CDIP1: variants seen among roughly 807,000 people sequenced by gnomAD.
The protein encoded by CDIP1 is cell death inducing p53 target 1, also known as cell death-inducing p53-target protein 1.
Under a neutral mutation model 17.7 loss-of-function variants are expected in CDIP1, and 9 were observed. The observed-to-expected ratio is 0.51, with a 90% confidence interval of 0.31 to 0.89. The LOEUF (loss-of-function observed/expected upper bound fraction) is 0.89. CDIP1 is among the 40% of genes least tolerant of loss of function. The pLI is 0.05. For missense variants in CDIP1, 263 were observed against 277.9 expected (o/e 0.95, Z 0.38); for synonymous variants, 117 against 109.5 (o/e 1.07, Z -0.43).
intron 1 of CDIP1, chr16:4,515,035 T>C (rs2058875517): frequency 6.6e-6 from 1 of 152,340 alleles, no homozygotes; most frequent in Non-Finnish European, 1.5e-5. Context: ...AGTGAAATCT[T>C]TTCCCTCATT....
Position 4,512,887 on chromosome 16 carries a change from G to A in CDIP1, c.419C>T (p.Thr140Met), listed in dbSNP as rs1450189887. 20 of 1,566,496 alleles carry A rather than the reference G, an allele frequency of 1.3e-5. No homozygotes were observed. Among genetic ancestry groups the A allele is most frequent in the East Asian group, 4.7e-5 (2 of 42,732 alleles). ...GEIFEGAPVQ[T>M]VCPHCQQAIT... ...GGCCTGCTGGCAGTGGGGACACACC[G>A]TCTGCACAGGCGCTCCCTCAAAGAT... The change falls in exon 5 of 6, where the codon ACG (threonine) becomes ATG (methionine). Residue 140 changes from threonine (T) to methionine (M), a missense_variant. Transcript: ENST00000567695. The surrounding 1 kb of genome is among the most constrained non-coding windows in gnomAD (Gnocchi z 4.6).
At chr16:4,528,597 ACT>A (rs1217548469) in intron 1 of CDIP1, among the ~76,000 whole-genome samples, 1 of 147,298 alleles carries the variant, frequency 6.8e-6, no homozygotes, top group Non-Finnish European at 1.5e-5. Flanking sequence ...AGGGAGGAAC[ACT>A]CAACCCAGGA....
intron 1 of CDIP1, chr16:4,532,164 T>G (rs925849801): frequency 1.3e-5 from 2 of 152,210 alleles, no homozygotes; most frequent in Non-Finnish European, 2.9e-5. Flanking sequence ...ACGGAGCACA[T>G]GAAGACCACG....
intron 1 of CDIP1, among the ~76,000 whole-genome samples, chr16:4,524,531 G>A (rs1296011547): frequency 6.6e-6 from 1 of 152,150 alleles, no homozygotes; most frequent in Admixed American, 6.5e-5. Flanking sequence ...CAGACCATAA[G>A]AAGGCATTCA....
intron 1 of CDIP1, among the ~76,000 whole-genome samples, chr16:4,537,583 A>T (rs860890): frequency 0.96 from 146,911 of 152,278 alleles, 71,095 homozygotes; most frequent in East Asian, 1. Context: ...GGGCCCGCCA[A>T]CCCCCTCACT....
intron 1 of CDIP1, chr16:4,536,329 C>T (rs989511305): frequency 2.6e-5 from 4 of 152,184 alleles, no homozygotes; most frequent in African/African-American, 9.7e-5. Flanking sequence ...GTCTCAAAGC[C>T]ACGGCCTCTA....
At position 4,511,833 on chromosome 16, in the gene CDIP1, C is replaced by G. The variant is rs951506312; in HGVS notation, c.*739G>C. On this transcript the variant is annotated 3_prime_UTR_variant, in exon 6 of 6. Coordinates refer to ENST00000567695, the MANE Select transcript of CDIP1 (RefSeq NM_013399.3). Reference sequence around the variant, plus strand: ...CAATACAGGGTTCACAGAGGCATGGCCTGAAAGGGGGTCTGCACACTGACT... The same window carrying G: ...CAATACAGGGTTCACAGAGGCATGGGCTGAAAGGGGGTCTGCACACTGACT... 1 of 152,744 alleles carries G rather than the reference C, an allele frequency of 6.5e-6. No individual in the cohort carries two copies. The highest frequency in any genetic ancestry group is 2.4e-5 in the African/African-American group (1 of 41,416). 9.5% of individuals were successfully genotyped at this position (152,744 alleles called of 1,614,324 possible). A position where few individuals can be genotyped will look rare whatever the true frequency, so the allele number is the denominator to read the frequency against.
At chr16:4,515,109 C>T (rs2058875907) in intron 1 of CDIP1, 1 of 152,238 alleles carries the variant, frequency 6.6e-6, no homozygotes, top group African/African-American at 2.4e-5. Context: ...TACTTAGCAT[C>T]ATAAAGGACT....
At position 4,513,586 on chromosome 16, in the gene CDIP1, T is replaced by G; in HGVS notation, c.241+110A>C. 2.1e-6 allele frequency: 2 copies of G among 939,242 alleles called. No homozygotes were observed. Among genetic ancestry groups the G allele is most frequent in the South Asian group, 3.1e-5 (2 of 64,888 alleles). 58.2% of individuals were successfully genotyped at this position (939,242 alleles called of 1,614,324 possible). A position where few individuals can be genotyped will look rare whatever the true frequency, so the allele number is the denominator to read the frequency against. ...CCTAGGCAAGGGCTGGTTGGGCGTG[T>G]TGGAGTCCCTGCCCTACAGCAGATG... On this transcript the variant is annotated intron_variant, in intron 4 of 5. Transcript: ENST00000567695. The surrounding 1 kb of genome is among the most constrained non-coding windows in gnomAD (Gnocchi z 4.1).
chr16:4,529,683 T>TA (rs890861823), intron 1 of CDIP1, among the ~76,000 whole-genome samples: 2 of 151,974 alleles, frequency 1.3e-5, no homozygotes, highest in African/African-American at 2.4e-5. Context: ...ATGGAGCCCT[T>TA]AAAAAAAATC....
At position 4,512,479 on chromosome 16, in the gene CDIP1, C is replaced by T; in HGVS notation, c.*93G>A. On this transcript the variant is annotated 3_prime_UTR_variant, in exon 6 of 6. Coordinates refer to ENST00000567695, the MANE Select transcript of CDIP1 (RefSeq NM_013399.3). This position sits in a 1 kb window ranked among gnomAD's most constrained non-coding sequence, Gnocchi z 4.6. ...AGGGGATGGTGGCACGGCTCCCAGC[C>T]CCAAGTGGGAGCGGGAAAGTGACCA... 1.1e-6 allele frequency: 1 copy of T among 906,278 alleles called. No individual in the cohort carries two copies. The highest frequency in any genetic ancestry group is 1.8e-6 in the Non-Finnish European group (1 of 549,388). 56.1% of individuals were successfully genotyped at this position (906,278 alleles called of 1,614,324 possible). A position where few individuals can be genotyped will look rare whatever the true frequency, so the allele number is the denominator to read the frequency against.
At chr16:4,521,394 G>GT (rs1366006086) in intron 1 of CDIP1, among the ~76,000 whole-genome samples, 10 of 152,102 alleles carry the variant, frequency 6.6e-5, no homozygotes, top group African/African-American at 2.2e-4. Flanking sequence ...TAAGGGGTGC[G>GT]TATCAGCCAA....
At chr16:4,516,547 TCTCA>T (rs1361073699) in intron 1 of CDIP1, among the ~76,000 whole-genome samples, 2 of 152,052 alleles carry the variant, frequency 1.3e-5, no homozygotes, top group East Asian at 3.9e-4. Context: ...GAGACGGGGG[TCTCA>T]CTATGTTGCC....
At chr16:4,534,008 T>C (rs1455057705) in intron 1 of CDIP1, among the ~76,000 whole-genome samples, 1 of 152,112 alleles carries the variant, frequency 6.6e-6, no homozygotes. Context: ...TGGAGTCCAT[T>C]GGTGCGATCT....
In CDIP1 at chr16:4,513,790, A is replaced by G. The variant is rs1436904250; in HGVS notation, c.147T>C (p.Ile49=). 6.2e-7 allele frequency: 1 copy of G among 1,606,612 alleles called. No homozygotes were observed. The highest frequency in any genetic ancestry group is 1.7e-5 in the Admixed American group (1 of 59,554). Residue 49 remains isoleucine (I), a synonymous_variant, in exon 4 of 6, where the codon ATT becomes ATC. Coordinates refer to ENST00000567695, the MANE Select transcript of CDIP1 (RefSeq NM_013399.3). The surrounding 1 kb of genome is among the most constrained non-coding windows in gnomAD (Gnocchi z 4.1). The part of the protein sequence containing the change: ...PPGMPLPPAD[I]GPPPYEPPGH... Reference sequence around the variant, plus strand: ...CCGGCGGCTCATAGGGTGGGGGGCCAATGTCCGCAGGGGGCAGTGGCATGC... The same window carrying G: ...CCGGCGGCTCATAGGGTGGGGGGCCGATGTCCGCAGGGGGCAGTGGCATGC...
intron 1 of CDIP1, among the ~76,000 whole-genome samples, chr16:4,516,919 A>AGTAATGTCAATGGTAAAT (rs1472543512): frequency 6.6e-6 from 1 of 152,014 alleles, no homozygotes; most frequent in African/African-American, 2.4e-5. Flanking sequence ...CACATTGACC[A>AGTAATGTCAATGGTAAAT]GGCTGGTAAA....
At chr16:4,530,109 C>G (rs2059039979) in intron 1 of CDIP1, among the ~76,000 whole-genome samples, 1 of 152,214 alleles carries the variant, frequency 6.6e-6, no homozygotes, top group Non-Finnish European at 1.5e-5. Flanking sequence ...ACATTTAGAT[C>G]TCTCATGTTA....
At chr16:4,532,256 G>GAC (rs1470396101) in intron 1 of CDIP1, 2 of 152,198 alleles carry the variant, frequency 1.3e-5, no homozygotes, top group Non-Finnish European at 2.9e-5. Context: ...AATAAGTATG[G>GAC]ACCACACACT....
At position 4,514,138 on chromosome 16, in the gene CDIP1, G is replaced by A; in HGVS notation, c.-8C>T. On this transcript the variant is annotated 5_prime_UTR_variant, in exon 3 of 6. Coordinates refer to ENST00000567695, the MANE Select transcript of CDIP1 (RefSeq NM_013399.3). The surrounding 1 kb of genome is among the most constrained non-coding windows in gnomAD (Gnocchi z 5.2). ...GGGAGGCTCGCTGGACATCTTCGCTGCTTCTCCTGGACATGGAGGGAAAAC... is the reference window on the plus strand; with the variant it reads ...GGGAGGCTCGCTGGACATCTTCGCTACTTCTCCTGGACATGGAGGGAAAAC... 6.5e-7 allele frequency: 1 copy of A among 1,528,964 alleles called. No individual in the cohort carries two copies. The highest frequency in any genetic ancestry group is 8.7e-7 in the Non-Finnish European group (1 of 1,143,542). The allele number at this position is 1,528,964 out of a possible 1,614,324, so 94.7% of individuals were successfully genotyped here.
Sources: gnomAD v4.1 joint callset for allele counts (sites outside exome capture counted in the v4.1 genomes callset) on GRCh38, gnomAD v4.1.1 for gene constraint, Gnocchi (gnomAD v3.1) non-coding constraint, MANE v1.5 for transcripts, NCBI Gene and HGNC (gene_info 2026-07-23, HGNC 2026-07-21) for gene names.